TMEM132B: variants seen among roughly 807,000 people sequenced by gnomAD.
TMEM132B encodes the protein transmembrane protein 132B.
TMEM132B carries 18 observed loss-of-function variants against 90.8 expected under a neutral mutation model. That is an observed-to-expected ratio of 0.20 (90% CI 0.14 to 0.29). The LOEUF (loss-of-function observed/expected upper bound fraction) is 0.29. Among genes scored for constraint, TMEM132B ranks in the 10% least tolerant of loss-of-function variants. The probability of loss-of-function intolerance (pLI) is 1.00; values close to 1 mark genes in which losing one functional copy is unlikely to be tolerated. For synonymous variants in TMEM132B, 504 were observed against 523.3 expected (o/e 0.96, Z 0.50); for missense variants, 1,096 against 1,326.8 (o/e 0.83, Z 2.70).
At chr12:125,486,975 T>C (rs1882220400) in intron 3 of TMEM132B, among the ~76,000 whole-genome samples, 1 of 152,214 alleles carries the variant, frequency 6.6e-6, no homozygotes, top group Admixed American at 6.5e-5. Context: ...ATTACTGGAT[T>C]GTTGTTCTTG....
At chr12:125,278,048 C>T (rs59764118) in intron 1 of TMEM132B, among the ~76,000 whole-genome samples, 9,435 of 152,238 alleles carry the variant, frequency 0.062, 1,006 homozygotes, top group African/African-American at 0.22. Flanking sequence ...CCGCTTGTTT[C>T]GTGATAGATC....
chr12:125,495,532 T>C (rs1356483640), intron 3 of TMEM132B, among the ~76,000 whole-genome samples: 1 of 152,208 alleles, frequency 6.6e-6, no homozygotes, highest in Non-Finnish European at 1.5e-5. Context: ...CATCCCTTAT[T>C]ATTTCTCTTA....
intron 3 of TMEM132B, among the ~76,000 whole-genome samples, chr12:125,463,273 C>T (rs1419518980): frequency 1.3e-4 from 20 of 152,248 alleles, no homozygotes; most frequent in Admixed American, 1.2e-3. Flanking sequence ...CTGACCATCC[C>T]TTGAGACTGA....
chr12:125,441,645 A>T lies in TMEM132B; in HGVS notation c.1106+25968A>T, dbSNP rs370768606. 3.8e-3 allele frequency among the ~76,000 whole-genome samples: 573 copies of T among 152,340 alleles called. 4 individuals carry two copies. The highest frequency in any genetic ancestry group is 6.8e-3 in the Middle Eastern group (2 of 294). On this transcript the variant is annotated intron_variant, in intron 3 of 8. Coordinates refer to ENST00000682704, the MANE Select transcript of TMEM132B (RefSeq NM_001366854.1). The stretch of plus-strand genomic sequence containing the variant: ...GTCTGACAGAGTAGCCCAATGTGTT[A>T]CAGAAAGAAGTGACTCAGATCCAGG...
At chr12:125,223,905 T>C (rs1873618570) in intron 1 of TMEM132B, among the ~76,000 whole-genome samples, 1 of 152,146 alleles carries the variant, frequency 6.6e-6, no homozygotes. Context: ...GCCTCCTGAA[T>C]AGCTGGAATT....
At chr12:125,484,382 T>TGAGG (rs1882146313) in intron 3 of TMEM132B, among the ~76,000 whole-genome samples, 1 of 152,066 alleles carries the variant, frequency 6.6e-6, no homozygotes. Flanking sequence ...TCTCTTGTCA[T>TGAGG]GAGGGTTGTG....
rs1045069957 is a variant in TMEM132B at position 125,492,099 on chromosome 12, TG to T, written c.1107-27338del. On this transcript the variant is annotated intron_variant, in intron 3 of 8. Transcript: ENST00000682704. This position sits in a 1 kb window ranked among gnomAD's most constrained non-coding sequence, Gnocchi z 5.8. ...CAATACTGCTTATGTGGAGTGAAAG[TG>T]GCCCATGTCATGGGGATCTGGGTTT... Among the ~76,000 whole-genome samples the T allele has an allele frequency of 6.6e-6, 1 of 152,144 alleles. No individual in the cohort carries two copies. Among genetic ancestry groups the T allele is most frequent in the African/African-American group, 2.4e-5 (1 of 41,422 alleles).
chr12:125,187,480 T>A (rs1957766907), intron 1 of TMEM132B, among the ~76,000 whole-genome samples: 1 of 152,072 alleles, frequency 6.6e-6, no homozygotes, highest in South Asian at 2.1e-4. Flanking sequence ...GCAAACGCGG[T>A]CTACTCCAGC....
chr12:125,318,510 T>C (rs552320072), intron 1 of TMEM132B, among the ~76,000 whole-genome samples: 3 of 152,266 alleles, frequency 2.0e-5, no homozygotes, highest in African/African-American at 7.2e-5. Flanking sequence ...CCCGATGCTC[T>C]CCCTTCCCAC....
chr12:125,517,802 G>A (rs116275448), intron 3 of TMEM132B, among the ~76,000 whole-genome samples: 1,780 of 152,270 alleles, frequency 0.012, 23 homozygotes, highest in African/African-American at 0.04. Flanking sequence ...AGCTGATGGC[G>A]GAATGGGCAT....
At chr12:125,536,355 G>A (rs116090937) in intron 4 of TMEM132B, among the ~76,000 whole-genome samples, 2,187 of 152,288 alleles carry the variant, frequency 0.014, 60 homozygotes, top group African/African-American at 0.05. Context: ...AGCACTGGCT[G>A]GCAGATTCTG....
At chr12:125,208,619 G>A (rs1188884347) in intron 1 of TMEM132B, among the ~76,000 whole-genome samples, 2 of 152,148 alleles carry the variant, frequency 1.3e-5, no homozygotes, top group South Asian at 2.1e-4. Flanking sequence ...GCATGTGTCC[G>A]GACCGCATAG....
At chr12:125,466,975 C>T (rs777561242) in intron 3 of TMEM132B, among the ~76,000 whole-genome samples, 89 of 152,186 alleles carry the variant, frequency 5.8e-4, no homozygotes, top group Non-Finnish European at 1.1e-3. Flanking sequence ...GCACACTGTT[C>T]GCGATGGATC....
rs141123362 is a variant in TMEM132B at position 125,430,010 on chromosome 12, T to C, written c.1106+14333T>C. 5.3e-3 allele frequency among the ~76,000 whole-genome samples: 809 copies of C among 152,356 alleles called. 9 individuals carry two copies. The highest frequency in any genetic ancestry group is 0.017 in the African/African-American group (721 of 41,586). The stretch of plus-strand genomic sequence containing the variant: ...AATTCTTCTTGCAGCTCCACTTTAC[T>C]TTCTGATGCTAATTGCAACTAGTCC... On this transcript the variant is annotated intron_variant, in intron 3 of 8. Transcript: ENST00000682704.
intron 5 of TMEM132B, among the ~76,000 whole-genome samples, chr12:125,608,466 A>C (rs541968996): frequency 2.6e-5 from 4 of 152,212 alleles, no homozygotes; most frequent in Non-Finnish European, 5.9e-5. Flanking sequence ...TATTCTAGAT[A>C]TAAATCTTTA....
At chr12:125,383,009 C>T (rs1260143171) in intron 2 of TMEM132B, among the ~76,000 whole-genome samples, 1 of 152,168 alleles carries the variant, frequency 6.6e-6, no homozygotes, top group Non-Finnish European at 1.5e-5. Context: ...TTGATTCCTC[C>T]TCCAGATATG....
chr12:125,584,248 T>G, intron 5 of TMEM132B: 1 of 506,030 alleles, frequency 2.0e-6, no homozygotes. Context: ...AAAGAATTTA[T>G]TCTCCTCCCC....
At chr12:125,610,602 A>G (rs188946601) in intron 5 of TMEM132B, among the ~76,000 whole-genome samples, 96 of 151,896 alleles carry the variant, frequency 6.3e-4, no homozygotes, top group African/African-American at 2.3e-3. Flanking sequence ...AAATCTCATT[A>G]GGTTATGGTG....
chr12:125,559,833 C>G (rs1259849128), intron 4 of TMEM132B, among the ~76,000 whole-genome samples: 1 of 152,132 alleles, frequency 6.6e-6, no homozygotes, highest in African/African-American at 2.4e-5. Flanking sequence ...TGAATGACAG[C>G]TCCATGTTAA....
Sources: gnomAD v4.1 joint callset for allele counts (sites outside exome capture counted in the v4.1 genomes callset) on GRCh38, gnomAD v4.1.1 for gene constraint, Gnocchi (gnomAD v3.1) non-coding constraint, MANE v1.5 for transcripts, NCBI Gene and HGNC (gene_info 2026-07-23, HGNC 2026-07-21) for gene names.